The following GABRD variants were observed in gnomAD, a reference collection of about 807,000 sequenced individuals.
GABRD encodes gamma-aminobutyric acid type A receptor subunit delta.
Under a neutral mutation model 47.3 loss-of-function variants are expected in GABRD, and 25 were observed. That is an observed-to-expected ratio of 0.53 (90% CI 0.39 to 0.74). The LOEUF (loss-of-function observed/expected upper bound fraction) is 0.74. GABRD is among the 30% of genes least tolerant of loss of function. The pLI is 0.00. For missense variants in GABRD, 497 were observed against 643.4 expected, an observed-to-expected ratio of 0.77 and a Z score of 2.46; for synonymous variants, 314 against 278.8, an observed-to-expected ratio of 1.13 and a Z score of -1.26.
intron 7 of GABRD, 117 bp downstream of exon 7, chr1:2,029,383 G>A (rs1164289051): frequency 7.0e-7 from 1 of 1,436,896 alleles, no homozygotes; most frequent in Non-Finnish European, 9.3e-7. Flanking sequence ...GCTGTCCTGG[G>A]GCAGTGGCCA....
At position 2,030,536 on chromosome 1, in the gene GABRD, G is replaced by C. The variant is rs1056372783; in HGVS notation, c.*254G>C. On this transcript the variant is annotated 3_prime_UTR_variant, in exon 9 of 9. Coordinates refer to ENST00000378585, the MANE Select transcript of GABRD (RefSeq NM_000815.5). ...ATGAAGGAGCAGAGGTTCTGACCGAGAGGCTGAGCCAGGCCGGGGTCTGGG... is the reference window on the plus strand; with the variant it reads ...ATGAAGGAGCAGAGGTTCTGACCGACAGGCTGAGCCAGGCCGGGGTCTGGG... 6 of 386,708 alleles carry C rather than the reference G, an allele frequency of 1.6e-5. No homozygotes were observed. The Admixed American group carries it at 1.6e-4, about 11-fold the overall frequency. 24.0% of individuals were successfully genotyped at this position (386,708 alleles called of 1,614,324 possible). A position where few individuals can be genotyped will look rare whatever the true frequency, so the allele number is the denominator to read the frequency against.
At chr1:2,025,448 C>T in intron 3 of GABRD, 47 bp downstream of exon 3, 2 of 1,611,528 alleles carry the variant, frequency 1.2e-6, no homozygotes, top group Non-Finnish European at 1.7e-6. Flanking sequence ...TGCCCACAGC[C>T]TCTGCCCTGG....
At position 2,019,403 on chromosome 1, in the gene GABRD, C is replaced by G; in HGVS notation, c.-21C>G. ...CCGGGAGCCAAGTTTGCGCGGACCCCGTCCCGAGCCCGCCGCGGCCATGGA... is the reference window on the plus strand; with the variant it reads ...CCGGGAGCCAAGTTTGCGCGGACCCGGTCCCGAGCCCGCCGCGGCCATGGA... On this transcript the variant is annotated 5_prime_UTR_variant, in exon 1 of 9. Coordinates refer to ENST00000378585, the MANE Select transcript of GABRD (RefSeq NM_000815.5). The G allele has an allele frequency of 1.9e-6, 2 of 1,060,486 alleles. No individual in the cohort carries two copies. The highest frequency in any genetic ancestry group is 2.3e-6 in the Non-Finnish European group (2 of 880,356). 65.7% of individuals were successfully genotyped at this position (1,060,486 alleles called of 1,614,324 possible).
In GABRD at chr1:2,030,246, C is replaced by T. The variant is rs140601233; in HGVS notation, c.1323C>T (p.Ala441=). ...ARAVFPAAFA[A]VNVIYWAAYA... The stretch of plus-strand genomic sequence containing the variant: ...CTGTGTTCCCTGCGGCGTTTGCGGC[C>T]GTCAATGTCATCTACTGGGCGGCAT... Residue 441 remains alanine, a synonymous_variant, in exon 9 of 9, where the codon GCC becomes GCT. Transcript: ENST00000378585. 2.1e-5 allele frequency: 32 copies of T among 1,559,124 alleles called. No homozygotes were observed. Among genetic ancestry groups the T allele is most frequent in the Admixed American group, 1.3e-4 (7 of 53,564 alleles).
chr1:2,024,915 G>C, intron 1 of GABRD, 27 bp from the exon 2 acceptor site: 1 of 1,532,340 alleles, frequency 6.5e-7, no homozygotes, highest in Non-Finnish European at 9.0e-7. Flanking sequence ...GTCCTGGCCT[G>C]TCTGACCGGT....
At chr1:2,022,668 G>A (rs1467759047) in intron 1 of GABRD, among the ~76,000 whole-genome samples, 2 of 152,252 alleles carry the variant, frequency 1.3e-5, no homozygotes, top group Non-Finnish European at 2.9e-5. Flanking sequence ...ACTGCCATTT[G>A]CATTTTTAAT....
intron 1 of GABRD, among the ~76,000 whole-genome samples, chr1:2,019,704 C>T (rs1488846782): frequency 6.6e-6 from 1 of 151,516 alleles, no homozygotes; most frequent in Non-Finnish European, 1.5e-5. Flanking sequence ...CGGCGACCCC[C>T]GCGCTGGCCG....
chr1:2,027,360 A>G, intron 4 of GABRD: 1 of 601,004 alleles, frequency 1.7e-6, no homozygotes, highest in Non-Finnish European at 3.0e-6. Context: ...TTTTGAAGAG[A>G]ATGAATGAAA....
chr1:2,029,898 C>G lies in GABRD; in HGVS notation c.1060-85C>G, dbSNP rs1276745430. ...CTGGAGCTGCTGGTCCAGGCGGGGC[C>G]CCCGCATGGGAACACCTGTGGTCCA... On this transcript the variant is annotated intron_variant, in intron 8 of 8. Coordinates refer to ENST00000378585, the MANE Select transcript of GABRD (RefSeq NM_000815.5). The G allele has an allele frequency of 7.7e-6, 12 of 1,566,986 alleles. No individual in the cohort carries two copies. The East Asian group carries it at 2.7e-4, about 35-fold the overall frequency.
chr1:2,024,628 G>A (rs1030348440), intron 1 of GABRD: 5 of 215,772 alleles, frequency 2.3e-5, no homozygotes, highest in African/African-American at 9.1e-5. Flanking sequence ...TAGCCTGGGA[G>A]CTTGGCCCAC....
intron 4 of GABRD, 59 bp downstream of exon 4, chr1:2,025,797 C>T (rs1658908121): frequency 1.3e-6 from 2 of 1,495,954 alleles, no homozygotes; most frequent in African/African-American, 1.4e-5. Flanking sequence ...AGCGTCGGCG[C>T]CTGGACGCTC....
At chr1:2,023,087 C>T (rs1658824022) in intron 1 of GABRD, among the ~76,000 whole-genome samples, 1 of 152,180 alleles carries the variant, frequency 6.6e-6, no homozygotes, top group Non-Finnish European at 1.5e-5. Context: ...AGGCTGGATG[C>T]AGGGAGAGGC....
intron 1 of GABRD, chr1:2,024,115 A>G (rs1388330271): frequency 6.6e-6 from 1 of 151,284 alleles, no homozygotes; most frequent in Non-Finnish European, 1.5e-5. Context: ...TTAACTAATT[A>G]CCTCTGCAAA....
chr1:2,028,307 C>T lies in GABRD; in HGVS notation c.691+15C>T. ...CTTCAAGTCCGGTAACATATGCCCG[C>T]CGCCCCTTCCGCATGTGCCCGCCGC... On this transcript the variant is annotated intron_variant, in intron 6 of 8. Transcript: ENST00000378585. This position sits in a 1 kb window ranked among gnomAD's most constrained non-coding sequence, Gnocchi z 6.4. The T allele has an allele frequency of 6.2e-7, 1 of 1,601,636 alleles. No individual in the cohort carries two copies.
intron 2 of GABRD, 106 bp downstream of exon 2, chr1:2,025,160 G>C (rs1167398175): frequency 2.4e-6 from 3 of 1,273,634 alleles, no homozygotes; most frequent in Admixed American, 2.0e-5. Context: ...AAGGAAGCCT[G>C]GCTCTCCCCT....
intron 2 of GABRD, 35 bp downstream of exon 2, chr1:2,025,089 G>A (rs368994247): frequency 7.1e-6 from 11 of 1,553,928 alleles, no homozygotes; most frequent in East Asian, 2.3e-5. Context: ...GGCAGGAGCC[G>A]CTGGAGCCCA....
At position 2,029,545 on chromosome 1, in the gene GABRD, C is replaced by T. The variant is rs368572778; in HGVS notation, c.848-6C>T. On this transcript the variant is annotated splice_polypyrimidine_tract_variant and splice_region_variant and intron_variant, in intron 7 of 8. Coordinates refer to ENST00000378585, the MANE Select transcript of GABRD (RefSeq NM_000815.5). ...CTACGACAATGGCACCACCTGTGCC[C>T]GGCAGGCATCACCACGGTGCTGACG... 6.3e-5 allele frequency: 102 copies of T among 1,611,986 alleles called. No homozygotes were observed. The highest frequency in any genetic ancestry group is 3.0e-4 in the South Asian group (27 of 91,058).
At chr1:2,024,413 G>C (rs1658863832) in intron 1 of GABRD, 1 of 152,580 alleles carries the variant, frequency 6.6e-6, no homozygotes, top group African/African-American at 2.4e-5. Context: ...AGGAGACAGA[G>C]AGTAGGAGGC....
In GABRD at chr1:2,028,137, T is replaced by C. The variant is rs745796642; in HGVS notation, c.554-18T>C. ...GCAGGGCCGGGCTCTGCCGCCCACC[T>C]GTGTGCTTTTCCTCCAGACGGTTAC... On this transcript the variant is annotated intron_variant, in intron 5 of 8. Coordinates refer to ENST00000378585, the MANE Select transcript of GABRD (RefSeq NM_000815.5). This position sits in a 1 kb window ranked among gnomAD's most constrained non-coding sequence, Gnocchi z 6.4. 7.5e-6 allele frequency: 12 copies of C among 1,601,736 alleles called. No individual in the cohort carries two copies. The highest frequency in any genetic ancestry group is 3.3e-5 in the Admixed American group (2 of 59,722).
Sources: allele counts gnomAD v4.1 joint callset (sites outside exome capture counted in the v4.1 genomes callset), GRCh38; gene constraint gnomAD v4.1.1; non-coding constraint Gnocchi (gnomAD v3.1); transcripts MANE v1.5; gene names NCBI Gene and HGNC (gene_info 2026-07-23, HGNC 2026-07-21).